NAALADL2: variants seen among roughly 807,000 people sequenced by gnomAD.
NAALADL2 encodes inactive N-acetylated-alpha-linked acidic dipeptidase-like protein 2.
NAALADL2 carries 76 observed loss-of-function variants against 87.2 expected under a neutral mutation model. The observed-to-expected ratio is 0.87, with a 90% confidence interval of 0.72 to 1.05. The LOEUF is 1.05. Among genes scored for constraint, NAALADL2 ranks in the 50% least tolerant of loss-of-function variants. NAALADL2 has a pLI of 0.00. For synonymous variants in NAALADL2, 354 were observed against 331.0 expected (o/e 1.07, Z -0.75); for missense variants, 1,089 against 945.8 (o/e 1.15, Z -1.99).
intron 5 of NAALADL2, chr3:175,397,117 C>CAAG (rs1237657442): frequency 1.3e-5 from 2 of 151,636 alleles, no homozygotes; most frequent in African/African-American, 4.8e-5. Flanking sequence ...TCCATGGAAA[C>CAAG]AACAACAACA....
intron 9 of NAALADL2, among the ~76,000 whole-genome samples, chr3:175,476,571 C>A (rs1725732658): frequency 6.6e-6 from 1 of 152,062 alleles, no homozygotes; most frequent in Non-Finnish European, 1.5e-5. Flanking sequence ...AAGTAAAAAA[C>A]AAACAAACAA....
intron 4 of NAALADL2, among the ~76,000 whole-genome samples, chr3:175,305,083 T>C (rs1757532750): frequency 6.6e-6 from 1 of 152,154 alleles, no homozygotes; most frequent in Non-Finnish European, 1.5e-5. Context: ...TGAGAATCAG[T>C]TAATTTTGTT....
intron 1 of NAALADL2, among the ~76,000 whole-genome samples, chr3:174,977,655 T>C (rs578159649): frequency 2.0e-4 from 31 of 152,296 alleles, no homozygotes; most frequent in African/African-American, 6.5e-4. Context: ...TGCCCCAGCT[T>C]TCTTCCTTCC....
At chr3:174,953,871 A>G (rs181332289) in intron 1 of NAALADL2, among the ~76,000 whole-genome samples, 2 of 152,156 alleles carry the variant, frequency 1.3e-5, no homozygotes, top group East Asian at 1.9e-4. Context: ...AACCAAACAC[A>G]TACAGAAACA....
intron 1 of NAALADL2, among the ~76,000 whole-genome samples, chr3:174,918,394 G>A (rs1045087748): frequency 6.6e-6 from 1 of 152,076 alleles, no homozygotes; most frequent in Admixed American, 6.5e-5. Flanking sequence ...GAAAAAAACC[G>A]AATCCCTGTA....
At chr3:174,612,231 C>G (rs556618233) in intron 2 of NAALADL2, among the ~76,000 whole-genome samples, 1 of 151,996 alleles carries the variant, frequency 6.6e-6, no homozygotes, top group Non-Finnish European at 1.5e-5. Context: ...TTATCCTTGA[C>G]CTTTGGGAAT....
chr3:175,157,951 T>G (rs996199097), intron 2 of NAALADL2, among the ~76,000 whole-genome samples: 9 of 152,094 alleles, frequency 5.9e-5, no homozygotes, highest in African/African-American at 1.7e-4. Flanking sequence ...AATTAAAAGT[T>G]CATTCTAATA....
intron 5 of NAALADL2, among the ~76,000 whole-genome samples, chr3:175,330,015 A>C (rs1761203574): frequency 6.6e-6 from 1 of 152,144 alleles, no homozygotes; most frequent in Non-Finnish European, 1.5e-5. Context: ...TACATTTATC[A>C]TTTAGAATGT....
At chr3:174,565,781 T>G (rs1192845053) in intron 2 of NAALADL2, among the ~76,000 whole-genome samples, 1 of 152,006 alleles carries the variant, frequency 6.6e-6, no homozygotes, top group Non-Finnish European at 1.5e-5. Flanking sequence ...CATTTTGTAT[T>G]TCTACCACCA....
chr3:174,972,739 T>C (rs1743854892), intron 1 of NAALADL2, among the ~76,000 whole-genome samples: 1 of 152,152 alleles, frequency 6.6e-6, no homozygotes, highest in Non-Finnish European at 1.5e-5. Flanking sequence ...CTCACACCTG[T>C]TATCCCAACA....
intron 2 of NAALADL2, among the ~76,000 whole-genome samples, chr3:174,576,306 A>G (rs2108547914): frequency 6.6e-6 from 1 of 152,296 alleles, no homozygotes; most frequent in Non-Finnish European, 1.5e-5. Context: ...AAATTACATG[A>G]GAGTACTGTG....
intron 3 of NAALADL2, among the ~76,000 whole-genome samples, chr3:175,252,907 C>T (rs1385842937): frequency 6.6e-6 from 1 of 151,994 alleles, no homozygotes; most frequent in African/African-American, 2.4e-5. Context: ...GTGAAAGCTG[C>T]GAGATATGAG....
At position 174,859,383 on chromosome 3, in the gene NAALADL2, GC is replaced by G. The variant is rs1726191340; in HGVS notation, c.-22del. On this transcript the variant is annotated 5_prime_UTR_variant, in exon 1 of 14. Transcript: ENST00000454872. ...AAGTGACACAACTTGAAACTGCTTG[GC>G]CCTCTTTAAAAAGAAATAATAAAAT... 2 of 1,591,978 alleles carry G rather than the reference GC, an allele frequency of 1.3e-6. No homozygotes were observed. The highest frequency in any genetic ancestry group is 1.1e-5 in the South Asian group (1 of 88,482).
chr3:175,749,435 C>CT (rs1207410977), intron 12 of NAALADL2, among the ~76,000 whole-genome samples: 2 of 152,050 alleles, frequency 1.3e-5, no homozygotes, highest in Non-Finnish European at 2.9e-5. Context: ...GTTTGGAAGT[C>CT]TAAGATCAAG....
chr3:175,681,299 T>G (rs1014873255), intron 11 of NAALADL2, among the ~76,000 whole-genome samples: 11 of 152,186 alleles, frequency 7.2e-5, no homozygotes, highest in Non-Finnish European at 1.6e-4. Flanking sequence ...TACAGTATAA[T>G]GCATACTCGA....
chr3:174,979,304 CTT>C (rs5854604), intron 1 of NAALADL2, among the ~76,000 whole-genome samples: 3 of 105,214 alleles, frequency 2.9e-5, no homozygotes, highest in Admixed American at 1.2e-4. Flanking sequence ...TCTTTCTTTT[CTT>C]TTTTTTTTTT....
chr3:175,558,328 T>G (rs982553241), intron 9 of NAALADL2, among the ~76,000 whole-genome samples: 4 of 152,156 alleles, frequency 2.6e-5, no homozygotes, highest in African/African-American at 9.7e-5. Context: ...TTCTGGTTGT[T>G]AATCCCTTGT....
intron 10 of NAALADL2, among the ~76,000 whole-genome samples, chr3:175,617,962 T>A (rs1281307832): frequency 6.6e-6 from 1 of 152,168 alleles, no homozygotes; most frequent in Non-Finnish European, 1.5e-5. Flanking sequence ...GGGTCCCATG[T>A]AGGGTCCTCC....
At chr3:175,213,541 G>A (rs1190277967) in intron 2 of NAALADL2, among the ~76,000 whole-genome samples, 1 of 152,058 alleles carries the variant, frequency 6.6e-6, no homozygotes, top group East Asian at 1.9e-4. Context: ...GACATACACA[G>A]GACATATATC....
Sources: allele counts gnomAD v4.1 joint callset (sites outside exome capture counted in the v4.1 genomes callset), GRCh38; gene constraint gnomAD v4.1.1; transcripts MANE v1.5; gene names NCBI Gene and HGNC (gene_info 2026-07-23, HGNC 2026-07-21).